The following CDK17 variants were observed in gnomAD, a reference collection of about 807,000 sequenced individuals.
CDK17 encodes cyclin dependent kinase 17.
A neutral mutation model predicts 77.6 loss-of-function variants in CDK17; 24 were observed. The ratio of observed to expected loss-of-function variants is 0.31; its 90% CI spans 0.22 to 0.44. CDK17 has a LOEUF of 0.44. Among genes scored for constraint, CDK17 ranks in the 20% least tolerant of loss-of-function variants. CDK17 has a pLI of 1.00. For synonymous variants in CDK17, 203 were observed against 210.4 expected (o/e 0.96, Z 0.30); for missense variants, 429 against 622.5 (o/e 0.69, Z 3.31).
At chr12:96,313,788 G>A (rs1018116335) in intron 3 of CDK17, among the ~76,000 whole-genome samples, 12 of 152,236 alleles carry the variant, frequency 7.9e-5, no homozygotes, top group African/African-American at 2.9e-4. Flanking sequence ...GACTTGAAAG[G>A]TTAAATGACT....
intron 1 of CDK17, among the ~76,000 whole-genome samples, chr12:96,381,368 A>C (rs1458316064): frequency 5.4e-4 from 2 of 3,726 alleles, no homozygotes; most frequent in South Asian, 6.5e-3. Flanking sequence ...TTTCCTACAA[A>C]AAAAAAAAAA....
At chr12:96,296,826 A>G (rs938569581) in intron 9 of CDK17, among the ~76,000 whole-genome samples, 1 of 152,220 alleles carries the variant, frequency 6.6e-6, no homozygotes, top group African/African-American at 2.4e-5. Context: ...TGGTATTTCC[A>G]GCATAGTGTT....
In CDK17 at chr12:96,285,390, T is replaced by TG. The variant is rs1194173114; in HGVS notation, c.1322+652dup. On this transcript the variant is annotated intron_variant, in intron 13 of 16. Coordinates refer to ENST00000261211, the MANE Select transcript of CDK17 (RefSeq NM_002595.5). ...ATGTTGTGAGCAATGTGAATGGCTT[T>TG]GGGTTAAAATAAATGATGTCCTTAT... is the stretch of plus-strand genomic sequence containing the variant. Among the ~76,000 whole-genome samples the TG allele has an allele frequency of 3.3e-5, 5 of 152,072 alleles. No individual in the cohort carries two copies. The South Asian group carries it at 1.0e-3, about 32-fold the overall frequency.
At chr12:96,281,829 T>C (rs1952182591) in intron 15 of CDK17, 1 of 152,252 alleles carries the variant, frequency 6.6e-6, no homozygotes, top group African/African-American at 2.4e-5. Flanking sequence ...TACACAAGCT[T>C]TGATGAATCA....
At chr12:96,302,177 T>C (rs1352444020) in intron 5 of CDK17, among the ~76,000 whole-genome samples, 1 of 152,104 alleles carries the variant, frequency 6.6e-6, no homozygotes, top group Non-Finnish European at 1.5e-5. Flanking sequence ...TATCAATAAC[T>C]ATGCAAAATA....
chr12:96,295,423 T>TAA (rs35300996), intron 9 of CDK17: 3,237 of 158,266 alleles, frequency 0.02, 37 homozygotes, highest in Middle Eastern at 0.037. Flanking sequence ...GAAAATGACT[T>TAA]AAAAAAAAAA....
At chr12:96,316,991 A>G (rs1346838065) in intron 3 of CDK17, among the ~76,000 whole-genome samples, 2 of 147,730 alleles carry the variant, frequency 1.4e-5, no homozygotes, top group African/African-American at 5.0e-5. Flanking sequence ...AGAAGGCTTC[A>G]GACGATCAAA....
chr12:96,331,613 T>A (rs1383103236), intron 2 of CDK17, among the ~76,000 whole-genome samples: 1 of 152,218 alleles, frequency 6.6e-6, no homozygotes, highest in Non-Finnish European at 1.5e-5. Flanking sequence ...AACCTTCATA[T>A]ATGACTCAGT....
chr12:96,370,260 C>A (rs17025377), intron 1 of CDK17, among the ~76,000 whole-genome samples: 12,656 of 152,124 alleles, frequency 0.083, 711 homozygotes, highest in South Asian at 0.18. Flanking sequence ...TGGTTCACAC[C>A]GAAGTCTTAT....
intron 10 of CDK17, among the ~76,000 whole-genome samples, chr12:96,294,611 A>AAAAAAAAAAAAAAAAAAAAAAT (rs71097274): frequency 5.8e-5 from 7 of 121,314 alleles, no homozygotes; most frequent in African/African-American, 6.2e-5. Flanking sequence ...AAAAAAAAAA[A>AAAAAAAAAAAAAAAAAAAAAAT]GATATATTTT....
At chr12:96,396,098 C>CA (rs1954163790) in intron 1 of CDK17, among the ~76,000 whole-genome samples, 1 of 152,202 alleles carries the variant, frequency 6.6e-6, no homozygotes, top group Non-Finnish European at 1.5e-5. Flanking sequence ...AAACAGTATT[C>CA]AGTATTGCAG....
intron 1 of CDK17, among the ~76,000 whole-genome samples, chr12:96,351,330 AAC>A (rs2137172121): frequency 6.9e-6 from 1 of 145,676 alleles, no homozygotes; most frequent in Non-Finnish European, 1.5e-5. Flanking sequence ...AAAAAAAAAA[AAC>A]TGAAAACAGG....
intron 1 of CDK17, among the ~76,000 whole-genome samples, chr12:96,377,404 A>G (rs2137219720): frequency 6.6e-6 from 1 of 152,358 alleles, no homozygotes; most frequent in Admixed American, 6.5e-5. Context: ...AAAATTCCTG[A>G]AAACAAAGAC....
intron 5 of CDK17, among the ~76,000 whole-genome samples, chr12:96,301,538 A>C (rs769940716): frequency 6.6e-6 from 1 of 152,206 alleles, no homozygotes; most frequent in African/African-American, 2.4e-5. Context: ...GAATTTTCTT[A>C]AAGTTGCTTT....
At chr12:96,383,933 C>T (rs568414955) in intron 1 of CDK17, among the ~76,000 whole-genome samples, 3 of 152,202 alleles carry the variant, frequency 2.0e-5, no homozygotes, top group African/African-American at 7.2e-5. Flanking sequence ...AACTAAAGAG[C>T]TTCTGCATGG....
intron 3 of CDK17, among the ~76,000 whole-genome samples, chr12:96,321,702 CG>C (rs1220065356): frequency 1.2e-5 from 1 of 84,852 alleles, no homozygotes; most frequent in African/African-American, 4.6e-5. Context: ...AGTAAACTAT[CG>C]CAAGAACAAA....
chr12:96,367,276 T>C (rs902261718), intron 1 of CDK17, among the ~76,000 whole-genome samples: 3 of 123,522 alleles, frequency 2.4e-5, no homozygotes, highest in Non-Finnish European at 4.7e-5. Context: ...GCCTAGGAGG[T>C]GGAGGTTGCA....
At chr12:96,286,591 T>TTTTAAAATAA in intron 12 of CDK17, 73 bp downstream of exon 12, 1 of 1,014,972 alleles carries the variant, frequency 9.9e-7, no homozygotes, top group Non-Finnish European at 1.5e-6. Context: ...AAAATATGTA[T>TTTTAAAATAA]TTTAGAGATA....
intron 1 of CDK17, among the ~76,000 whole-genome samples, chr12:96,371,976 G>GGA (rs1209472236): frequency 5.9e-5 from 8 of 136,576 alleles, no homozygotes; most frequent in South Asian, 2.5e-4. Flanking sequence ...GAGGGGGGAC[G>GGA]GAGAGAGAGA....
Sources: allele counts gnomAD v4.1 joint callset (sites outside exome capture counted in the v4.1 genomes callset), GRCh38; gene constraint gnomAD v4.1.1; transcripts MANE v1.5; gene names NCBI Gene and HGNC (gene_info 2026-07-23, HGNC 2026-07-21).